Variants in NR6A1 observed in about 807,000 individuals in gnomAD.
NR6A1 encodes the protein retinoic acid receptor-related testis-associated receptor.
Under a neutral mutation model 59.1 loss-of-function variants are expected in NR6A1, and 7 were observed. That is an observed-to-expected ratio of 0.12 (90% CI 0.07 to 0.22). NR6A1 has a LOEUF of 0.22. NR6A1 is among the 10% of genes least tolerant of loss of function. The pLI, the probability that NR6A1 is intolerant of heterozygous loss-of-function variation, is 1.00. For synonymous variants in NR6A1, 243 were observed against 236.1 expected, an observed-to-expected ratio of 1.03 and a Z score of -0.27; for missense variants, 468 against 611.6, an observed-to-expected ratio of 0.77 and a Z score of 2.48.
rs150823307 is a variant in NR6A1 at position 124,637,368 on chromosome 9, A to C, written c.143-82798T>G. ...TTATATACCAGGCTAAAAAGCTGGA[A>C]TTCTTCCTATAGGTGGGAATAACAC... On this transcript the variant is annotated intron_variant, in intron 2 of 9. Coordinates refer to ENST00000487099, the MANE Select transcript of NR6A1 (RefSeq NM_033334.4). 2.0e-3 allele frequency among the ~76,000 whole-genome samples: 304 copies of C among 152,340 alleles called. 1 individual carries two copies. Among genetic ancestry groups the C allele is most frequent in the African/African-American group, 7.0e-3 (290 of 41,578 alleles).
At chr9:124,693,834 C>G (rs1838651566) in intron 2 of NR6A1, 2 of 525,598 alleles carry the variant, frequency 3.8e-6, no homozygotes, top group Admixed American at 2.0e-5. Flanking sequence ...AGAGAGTCGC[C>G]TGAGTGCAGC....
intron 6 of NR6A1, among the ~76,000 whole-genome samples, chr9:124,537,653 C>CTT (rs1202958929): frequency 6.6e-6 from 1 of 152,192 alleles, no homozygotes; most frequent in African/African-American, 2.4e-5. Context: ...CAAGCCTGCA[C>CTT]TTAAAGTGGT....
chr9:124,625,475 C>T (rs541279006), intron 2 of NR6A1, among the ~76,000 whole-genome samples: 10 of 152,248 alleles, frequency 6.6e-5, no homozygotes, highest in Non-Finnish European at 1.2e-4. Context: ...CAAAGGTATG[C>T]GCCACCATGT....
At chr9:124,714,631 A>G (rs892173913) in intron 2 of NR6A1, among the ~76,000 whole-genome samples, 37 of 152,234 alleles carry the variant, frequency 2.4e-4, no homozygotes, top group African/African-American at 8.2e-4. Context: ...GTACACATAA[A>G]AAGTCCCAAG....
chr9:124,729,729 C>G (rs1444597938), intron 2 of NR6A1, among the ~76,000 whole-genome samples: 1 of 152,196 alleles, frequency 6.6e-6, no homozygotes, highest in Non-Finnish European at 1.5e-5. Flanking sequence ...AGTCTTGATG[C>G]TTCCTATCAC....
intron 2 of NR6A1, among the ~76,000 whole-genome samples, chr9:124,570,128 A>C (rs1238158318): frequency 6.6e-6 from 1 of 152,232 alleles, no homozygotes; most frequent in Non-Finnish European, 1.5e-5. Context: ...CTCTATGTTC[A>C]CCTTATCTTA....
At chr9:124,720,778 GA>G (rs923357473) in intron 2 of NR6A1, among the ~76,000 whole-genome samples, 5 of 151,154 alleles carry the variant, frequency 3.3e-5, no homozygotes, top group African/African-American at 9.7e-5. Flanking sequence ...GAGATATTTA[GA>G]AAAAAAAAGT....
In NR6A1 at chr9:124,554,312, C is replaced by G. The variant is rs1404166948; in HGVS notation, c.385+16G>C. On this transcript the variant is annotated intron_variant, in intron 3 of 9. Transcript: ENST00000487099. Reference sequence around the variant, plus strand: ...TGAATGAAGGATGGGCCATCAGAGCCATCAGCACCACTCACCCTTCCGGTT... The same window carrying G: ...TGAATGAAGGATGGGCCATCAGAGCGATCAGCACCACTCACCCTTCCGGTT... 1 of 1,614,056 alleles carries G rather than the reference C, an allele frequency of 6.2e-7. No individual in the cohort carries two copies. Among genetic ancestry groups the G allele is most frequent in the Non-Finnish European group, 8.5e-7 (1 of 1,180,026 alleles).
chr9:124,664,996 G>A (rs1837564152), intron 2 of NR6A1, among the ~76,000 whole-genome samples: 1 of 74,922 alleles, frequency 1.3e-5, no homozygotes, highest in Non-Finnish European at 2.4e-5. Context: ...AATATAATAA[G>A]ATCCTTGTAT....
chr9:124,767,184 G>T (rs75112731), intron 1 of NR6A1, among the ~76,000 whole-genome samples: 1,575 of 152,212 alleles, frequency 0.01, 27 homozygotes, highest in African/African-American at 0.036. Flanking sequence ...ATAAAATATG[G>T]AAATGCATGA....
intron 7 of NR6A1, among the ~76,000 whole-genome samples, chr9:124,533,490 T>C (rs1199689715): frequency 6.6e-6 from 1 of 152,104 alleles, no homozygotes; most frequent in Non-Finnish European, 1.5e-5. Context: ...CTCCCTCCCC[T>C]AGCTGTGCAA....
intron 2 of NR6A1, among the ~76,000 whole-genome samples, chr9:124,730,775 C>T (rs749109787): frequency 2.0e-5 from 3 of 151,776 alleles, no homozygotes; most frequent in Non-Finnish European, 4.4e-5. Context: ...AGAAAATGGG[C>T]ATTAACCATT....
intron 2 of NR6A1, among the ~76,000 whole-genome samples, chr9:124,629,912 T>C (rs1246945894): frequency 6.6e-6 from 1 of 152,344 alleles, no homozygotes; most frequent in East Asian, 1.9e-4. Context: ...GGCAACTTTA[T>C]TTCATTAATT....
At chr9:124,680,580 A>C (rs574714321) in intron 2 of NR6A1, among the ~76,000 whole-genome samples, 75 of 152,308 alleles carry the variant, frequency 4.9e-4, no homozygotes, top group Non-Finnish European at 8.5e-4. Context: ...CCACTGTACA[A>C]ACGAGCCCTT....
At chr9:124,703,757 T>G (rs1422297574) in intron 2 of NR6A1, among the ~76,000 whole-genome samples, 1 of 152,250 alleles carries the variant, frequency 6.6e-6, no homozygotes, top group African/African-American at 2.4e-5. Context: ...GCTCGTAGAA[T>G]GAGTTGTCAA....
intron 2 of NR6A1, among the ~76,000 whole-genome samples, chr9:124,702,015 G>A (rs1026755591): frequency 1.3e-5 from 2 of 152,098 alleles, no homozygotes; most frequent in Admixed American, 6.6e-5. Context: ...GTGAGCCACC[G>A]CACCCGGCCT....
chr9:124,718,461 C>T (rs1168035455), intron 2 of NR6A1, among the ~76,000 whole-genome samples: 2 of 152,170 alleles, frequency 1.3e-5, no homozygotes, highest in Non-Finnish European at 2.9e-5. Flanking sequence ...TTCCTTAGAA[C>T]AATTTCAAGA....
intron 2 of NR6A1, among the ~76,000 whole-genome samples, chr9:124,594,264 C>T (rs1254474720): frequency 6.6e-6 from 1 of 152,110 alleles, no homozygotes; most frequent in Non-Finnish European, 1.5e-5. Flanking sequence ...TGTTTTGGTA[C>T]CGTAAGTTAT....
At chr9:124,728,684 G>T (rs1476977908) in intron 2 of NR6A1, among the ~76,000 whole-genome samples, 1 of 143,420 alleles carries the variant, frequency 7.0e-6, no homozygotes, top group Non-Finnish European at 1.5e-5. Context: ...TACTTGCTCA[G>T]TCACTTGAGA....
Sources: allele counts gnomAD v4.1 joint callset (sites outside exome capture counted in the v4.1 genomes callset), GRCh38; gene constraint gnomAD v4.1.1; transcripts MANE v1.5; gene names NCBI Gene and HGNC (gene_info 2026-07-23, HGNC 2026-07-21).